The following NAA15 variants were observed in gnomAD, a reference collection of about 807,000 sequenced individuals.
NAA15 encodes the protein N-alpha-acetyltransferase 15, NatA auxiliary subunit, also known as N-terminal acetyltransferase.
In NAA15, 34 loss-of-function variants were observed where a neutral mutation model predicts 114.0. The ratio of observed to expected loss-of-function variants is 0.30; its 90% CI spans 0.23 to 0.40. NAA15 has a LOEUF of 0.40. Ranked by LOEUF, NAA15 falls within the 10% of genes least tolerant of loss-of-function variation. The pLI is 1.00. For missense variants in NAA15, 658 were observed against 1,004.5 expected, an observed-to-expected ratio of 0.66 and a Z score of 4.66; for synonymous variants, 340 against 338.0, an observed-to-expected ratio of 1.01 and a Z score of -0.06.
At chr4:139,305,450 T>A (rs1745979619) in intron 1 of NAA15, among the ~76,000 whole-genome samples, 1 of 152,158 alleles carries the variant, frequency 6.6e-6, no homozygotes. Context: ...GATTTTTTTT[T>A]TTTTTGCCCG....
intron 7 of NAA15, among the ~76,000 whole-genome samples, chr4:139,350,262 G>T (rs1747733843): frequency 6.6e-6 from 1 of 152,194 alleles, no homozygotes; most frequent in Non-Finnish European, 1.5e-5. Flanking sequence ...GGGCAACATG[G>T]TGAGACACTG....
chr4:139,374,356 A>G (rs193073571), intron 15 of NAA15, among the ~76,000 whole-genome samples: 83 of 152,270 alleles, frequency 5.5e-4, no homozygotes, highest in African/African-American at 1.6e-3. Context: ...AATATGCATA[A>G]TGATGGTTAA....
chr4:139,329,615 A>G (rs190363276), intron 1 of NAA15, among the ~76,000 whole-genome samples: 1 of 152,270 alleles, frequency 6.6e-6, no homozygotes, highest in Non-Finnish European at 1.5e-5. Flanking sequence ...CTGTTCGTTG[A>G]CACTCCATTC....
At position 139,302,149 on chromosome 4, in the gene NAA15, C is replaced by G. The variant is rs531588647; in HGVS notation, c.54+318C>G. On this transcript the variant is annotated intron_variant, in intron 1 of 19. Coordinates refer to ENST00000296543, the MANE Select transcript of NAA15 (RefSeq NM_057175.5). Reference sequence around the variant, plus strand: ...GAGAAGAGGCCCGGCCTTTGGCGGGCAAGTGGGCGACACCGGCAGGAGTCG... The same window carrying G: ...GAGAAGAGGCCCGGCCTTTGGCGGGGAAGTGGGCGACACCGGCAGGAGTCG... The G allele has an allele frequency of 1.8e-3, 575 of 311,922 alleles. 2 individuals are homozygous for G. The highest frequency in any genetic ancestry group is 0.011 in the African/African-American group (534 of 46,748). 19.3% of individuals were successfully genotyped at this position (311,922 alleles called of 1,614,324 possible).
At chr4:139,335,008 G>A (rs1224703749) in intron 2 of NAA15, among the ~76,000 whole-genome samples, 2 of 151,996 alleles carry the variant, frequency 1.3e-5, no homozygotes, top group East Asian at 1.9e-4. Context: ...GGAAAACAAT[G>A]GAGATAAAAG....
chr4:139,340,423 C>T (rs916536725), intron 3 of NAA15, among the ~76,000 whole-genome samples: 2 of 152,028 alleles, frequency 1.3e-5, no homozygotes, highest in Non-Finnish European at 2.9e-5. Context: ...TAAGGGTTGT[C>T]CTAAGAATCT....
At chr4:139,331,620 T>A (rs1747003477) in intron 1 of NAA15, among the ~76,000 whole-genome samples, 2 of 148,422 alleles carry the variant, frequency 1.3e-5, no homozygotes, top group Admixed American at 1.3e-4. Flanking sequence ...CCGGCTAATT[T>A]TTTTTTTTTT....
intron 14 of NAA15, among the ~76,000 whole-genome samples, chr4:139,367,528 G>A (rs1560976600): frequency 1.3e-5 from 2 of 152,182 alleles, no homozygotes; most frequent in Non-Finnish European, 1.5e-5. Flanking sequence ...TGGAATCCAC[G>A]TATACTTGAG....
chr4:139,362,727 G>A lies in NAA15; in HGVS notation c.1753+790G>A, dbSNP rs965521343. ...TCATTTGACTCATTTTTAATGTACCGTTTTTATAGTAGGGTATCGGAATGA... is the reference window on the plus strand; with the variant it reads ...TCATTTGACTCATTTTTAATGTACCATTTTTATAGTAGGGTATCGGAATGA... On this transcript the variant is annotated intron_variant, in intron 14 of 19. Coordinates refer to ENST00000296543, the MANE Select transcript of NAA15 (RefSeq NM_057175.5). Among the ~76,000 whole-genome samples the A allele has an allele frequency of 7.2e-5, 11 of 152,156 alleles. No individual in the cohort carries two copies. In the South Asian group the frequency reaches 1.0e-3, roughly 14 times the overall value.
intron 1 of NAA15, among the ~76,000 whole-genome samples, chr4:139,322,452 G>A (rs886676171): frequency 6.6e-6 from 1 of 152,168 alleles, no homozygotes; most frequent in African/African-American, 2.4e-5. Context: ...GCATGAAAAT[G>A]GACTAATACA....
intron 14 of NAA15, among the ~76,000 whole-genome samples, chr4:139,362,153 T>G (rs1748151644): frequency 2.6e-5 from 4 of 152,248 alleles, no homozygotes; most frequent in African/African-American, 7.2e-5. Flanking sequence ...TTAAGAAGTT[T>G]GCATGTTATG....
At chr4:139,330,389 C>T (rs1260025449) in intron 1 of NAA15, among the ~76,000 whole-genome samples, 2 of 152,186 alleles carry the variant, frequency 1.3e-5, no homozygotes, top group Non-Finnish European at 2.9e-5. Flanking sequence ...TGAATGATAG[C>T]TCTCAAGTAA....
At chr4:139,343,084 C>T (rs1052345790) in intron 5 of NAA15, 124 bp downstream of exon 5, 12 of 795,266 alleles carry the variant, frequency 1.5e-5, no homozygotes, top group African/African-American at 1.2e-4. Flanking sequence ...GCAGGAATAG[C>T]ACAAAGAACT....
At chr4:139,323,559 CA>C (rs771231914) in intron 1 of NAA15, among the ~76,000 whole-genome samples, 2 of 152,142 alleles carry the variant, frequency 1.3e-5, no homozygotes, top group African/African-American at 4.8e-5. Flanking sequence ...CCATAAATTC[CA>C]GCAGTTTCTA....
At chr4:139,335,427 G>A (rs1747166909) in intron 2 of NAA15, among the ~76,000 whole-genome samples, 1 of 151,962 alleles carries the variant, frequency 6.6e-6, no homozygotes, top group Admixed American at 6.6e-5. Flanking sequence ...GTGCAGTGGC[G>A]CAATCTCAGC....
intron 17 of NAA15, among the ~76,000 whole-genome samples, chr4:139,384,169 T>A (rs1442211953): frequency 6.6e-6 from 1 of 152,234 alleles, no homozygotes; most frequent in African/African-American, 2.4e-5. Flanking sequence ...ATTGTTCTGC[T>A]GACATACATT....
At chr4:139,380,260 G>C (rs556582988) in intron 17 of NAA15, among the ~76,000 whole-genome samples, 12 of 76,804 alleles carry the variant, frequency 1.6e-4, no homozygotes, top group South Asian at 3.4e-4. Context: ...AGTTTTTTTG[G>C]GGGGGGGGAG....
intron 14 of NAA15, among the ~76,000 whole-genome samples, chr4:139,365,183 G>A (rs554572976): frequency 1.8e-4 from 27 of 152,090 alleles, no homozygotes; most frequent in African/African-American, 5.8e-4. Flanking sequence ...GATTACAGGC[G>A]CCTGCCACCA....
intron 14 of NAA15, among the ~76,000 whole-genome samples, chr4:139,366,520 G>A (rs938444458): frequency 1.3e-5 from 2 of 151,980 alleles, no homozygotes; most frequent in East Asian, 1.9e-4. Flanking sequence ...TTTGAGGGGA[G>A]GAGAATTGAA....
Sources: allele counts gnomAD v4.1 joint callset (sites outside exome capture counted in the v4.1 genomes callset), GRCh38; gene constraint gnomAD v4.1.1; transcripts MANE v1.5; gene names NCBI Gene and HGNC (gene_info 2026-07-23, HGNC 2026-07-21).